The following WDTC1 variants were observed in gnomAD, a reference collection of about 807,000 sequenced individuals.
WDTC1 encodes WD and tetratricopeptide repeats protein 1.
In WDTC1, 12 loss-of-function variants were observed where a neutral mutation model predicts 76.0. That is an observed-to-expected ratio of 0.16 (90% CI 0.10 to 0.26). The LOEUF (loss-of-function observed/expected upper bound fraction) is 0.26. Among genes scored for constraint, WDTC1 ranks in the 10% least tolerant of loss-of-function variants. WDTC1 has a pLI of 1.00. For synonymous variants in WDTC1, 326 were observed against 350.8 expected (o/e 0.93, Z 0.79); for missense variants, 511 against 908.8 (o/e 0.56, Z 5.63).
chr1:27,304,597 G>GA (rs1003923674), intron 14 of WDTC1: 49 of 156,746 alleles, frequency 3.1e-4, no homozygotes, highest in Admixed American at 6.4e-4. Flanking sequence ...CTGTCTCTAA[G>GA]AAAAAAAAAG....
rs549970081 is a variant in WDTC1 at position 27,306,627 on chromosome 1, T to C, written c.*244T>C. On this transcript the variant is annotated 3_prime_UTR_variant, in exon 16 of 16. Coordinates refer to ENST00000319394, the MANE Select transcript of WDTC1 (RefSeq NM_001276252.2). The surrounding 1 kb of genome is among the most constrained non-coding windows in gnomAD (Gnocchi z 5.0). Reference sequence around the variant, plus strand: ...AAGAGCAGGAGGGGACACCCCTCCATATGCCCCCCCCCATCTCCTGCTTTC... The same window carrying C: ...AAGAGCAGGAGGGGACACCCCTCCACATGCCCCCCCCCATCTCCTGCTTTC... 2.3e-4 allele frequency: 131 copies of C among 558,074 alleles called. No homozygotes were observed. Among genetic ancestry groups the C allele is most frequent in the Admixed American group, 1.4e-3 (44 of 31,670 alleles). 34.6% of individuals were successfully genotyped at this position (558,074 alleles called of 1,614,324 possible). A position where few individuals can be genotyped will look rare whatever the true frequency, so the allele number is the denominator to read the frequency against.
At chr1:27,253,441 T>TCCTCCTCCTC (rs2012165461) in intron 1 of WDTC1, among the ~76,000 whole-genome samples, 2 of 113,972 alleles carry the variant, frequency 1.8e-5, no homozygotes, top group African/African-American at 6.6e-5. Context: ...TCCTCCTCCT[T>TCCTCCTCCTC]CCTCCTCCTT....
chr1:27,262,467 C>T (rs369692319), intron 2 of WDTC1, among the ~76,000 whole-genome samples: 4 of 152,106 alleles, frequency 2.6e-5, no homozygotes, highest in East Asian at 3.9e-4. Context: ...TGGCTCATTG[C>T]AACCTCCACC....
chr1:27,240,106 G>A (rs895929066), intron 1 of WDTC1, among the ~76,000 whole-genome samples: 13 of 151,970 alleles, frequency 8.6e-5, no homozygotes, highest in Middle Eastern at 3.2e-3. Context: ...GGCCAAGCTG[G>A]TCTCGAATTC....
At chr1:27,283,289 G>A in intron 4 of WDTC1, 49 bp from the exon 5 acceptor site, 2 of 1,546,286 alleles carry the variant, frequency 1.3e-6, no homozygotes, top group Non-Finnish European at 8.9e-7. Context: ...ATGGGGAAAG[G>A]GAGCCTAGGA....
intron 1 of WDTC1, among the ~76,000 whole-genome samples, chr1:27,260,307 A>G (rs992623555): frequency 2.0e-5 from 3 of 152,104 alleles, no homozygotes; most frequent in South Asian, 4.1e-4. Flanking sequence ...GGGTTTCACC[A>G]TGTTAGCCAG....
In WDTC1 at chr1:27,292,341, T is replaced by G; in HGVS notation, c.606T>G (p.Val202=). 1 of 1,612,870 alleles carries G rather than the reference T, an allele frequency of 6.2e-7. No individual in the cohort carries two copies. The highest frequency in any genetic ancestry group is 8.5e-7 in the Non-Finnish European group (1 of 1,179,430). Residue 202 remains valine, a synonymous_variant, in exon 7 of 16, where the codon GTT becomes GTG. Coordinates refer to ENST00000319394, the MANE Select transcript of WDTC1 (RefSeq NM_001276252.2). ...CCCAGGACAACAACTGCCTGGCAGT[T>G]GGGGCCAGCGGGCCCTTCGTGAGGC... The part of the protein sequence containing the change: ...VNPQDNNCLA[V]GASGPFVRLY...
intron 1 of WDTC1, among the ~76,000 whole-genome samples, chr1:27,253,935 A>C (rs1004925754): frequency 1.3e-5 from 2 of 152,154 alleles, no homozygotes; most frequent in East Asian, 3.9e-4. Flanking sequence ...TCATGTTTAA[A>C]TCTTCTCATC....
At chr1:27,257,822 G>T (rs2012332666) in intron 1 of WDTC1, among the ~76,000 whole-genome samples, 1 of 151,990 alleles carries the variant, frequency 6.6e-6, no homozygotes, top group Non-Finnish European at 1.5e-5. Flanking sequence ...ACAGAGTCTT[G>T]CTCTGTCACC....
In WDTC1 at chr1:27,246,494, A is replaced by ATTTGGGGT. The variant is rs2011836350; in HGVS notation, c.-100+11543_-100+11544insTTTGGGGT. On this transcript the variant is annotated intron_variant, in intron 1 of 15. Transcript: ENST00000319394. The stretch of plus-strand genomic sequence containing the variant: ...ATTGATGGCCATTTGGGTTGTTTCT[A>ATTTGGGGT]ATTTGGGCTATTATGAATAATGCTG... Among the ~76,000 whole-genome samples, 3 of 152,006 alleles carry ATTTGGGGT rather than the reference A, an allele frequency of 2.0e-5. No homozygotes were observed. The South Asian group carries it at 6.2e-4, about 32-fold the overall frequency.
intron 1 of WDTC1, among the ~76,000 whole-genome samples, chr1:27,241,710 G>C (rs1424095386): frequency 6.6e-6 from 1 of 152,134 alleles, no homozygotes; most frequent in African/African-American, 2.4e-5. Flanking sequence ...TAGTGAGAGA[G>C]TATAGCATTA....
upstream of WDTC1, chr1:27,234,570 C>A (rs2011444923): frequency 2.6e-6 from 1 of 388,258 alleles, no homozygotes; most frequent in Admixed American, 4.5e-5. Context: ...GTCTTCGTAG[C>A]GTACCCGCCG....
At position 27,294,540 on chromosome 1, in the gene WDTC1, TACA is replaced by T; in HGVS notation, c.790_792del (p.Asn264del). On this transcript the variant is annotated inframe_deletion, in exon 9 of 16. Transcript: ENST00000319394. ...TCACCTGCCAGTGAAGCTTCCTGAC[TACA>T]ACAACCGTTTGAGAGTGCTGGTTGC... The T allele has an allele frequency of 6.2e-7, 1 of 1,614,190 alleles. No homozygotes were observed. The highest frequency in any genetic ancestry group is 8.5e-7 in the Non-Finnish European group (1 of 1,180,018).
chr1:27,298,404 G>A (rs1443326746), intron 12 of WDTC1, among the ~76,000 whole-genome samples: 1 of 152,188 alleles, frequency 6.6e-6, no homozygotes, highest in African/African-American at 2.4e-5. Context: ...GTGGCCCCTG[G>A]GGAAGTATGA....
intron 5 of WDTC1, among the ~76,000 whole-genome samples, chr1:27,283,822 A>C (rs907524919): frequency 2.0e-5 from 3 of 152,200 alleles, no homozygotes; most frequent in South Asian, 2.1e-4. Context: ...CATCTGTAAA[A>C]AAGGAAGCAG....
intron 7 of WDTC1, 58 bp from the exon 8 acceptor site, chr1:27,293,964 C>G: frequency 6.5e-7 from 1 of 1,530,470 alleles, no homozygotes; most frequent in Admixed American, 1.8e-5. Flanking sequence ...TGAGTGTGGT[C>G]TGGTCTAGCC....
intron 5 of WDTC1, among the ~76,000 whole-genome samples, chr1:27,287,300 C>T (rs1056629181): frequency 2.0e-5 from 3 of 152,208 alleles, no homozygotes; most frequent in East Asian, 1.9e-4. Flanking sequence ...ATGTGGGAGT[C>T]AGACAGACTT....
chr1:27,282,553 A>G (rs1306046044), intron 4 of WDTC1, among the ~76,000 whole-genome samples: 1 of 152,074 alleles, frequency 6.6e-6, no homozygotes. Context: ...CCCAGGCTGG[A>G]GTGCAATGGC....
At chr1:27,288,988 C>A (rs2013432927) in intron 6 of WDTC1, among the ~76,000 whole-genome samples, 1 of 147,680 alleles carries the variant, frequency 6.8e-6, no homozygotes, top group African/African-American at 2.5e-5. Flanking sequence ...GGCTGACCCC[C>A]CCCCCACCTC....
Sources: gnomAD v4.1 joint callset for allele counts (sites outside exome capture counted in the v4.1 genomes callset) on GRCh38, gnomAD v4.1.1 for gene constraint, Gnocchi (gnomAD v3.1) non-coding constraint, MANE v1.5 for transcripts, NCBI Gene and HGNC (gene_info 2026-07-23, HGNC 2026-07-21) for gene names.